Variants in AKAP9 observed in about 807,000 individuals in gnomAD.
AKAP9 encodes A-kinase anchoring protein 9, also known as A-kinase anchor protein 9.
A neutral mutation model predicts 488.5 loss-of-function variants in AKAP9; 311 were observed. The ratio of observed to expected loss-of-function variants is 0.64; its 90% CI spans 0.58 to 0.70. The LOEUF is 0.70. Among genes scored for constraint, AKAP9 ranks in the 30% least tolerant of loss-of-function variants. AKAP9 has a pLI of 0.00. For missense variants in AKAP9, 4,215 were observed against 4,374.5 expected, an observed-to-expected ratio of 0.96 and a Z score of 1.03; for synonymous variants, 1,462 against 1,483.5, an observed-to-expected ratio of 0.99 and a Z score of 0.33.
At chr7:92,056,901 G>GT (rs542255615) in intron 22 of AKAP9, among the ~76,000 whole-genome samples, 1 of 151,824 alleles carries the variant, frequency 6.6e-6, no homozygotes, top group Non-Finnish European at 1.5e-5. Context: ...CAAAATGAGG[G>GT]TTTTTTCCTT....
At chr7:92,102,490 C>CTA (rs1447690645) in intron 45 of AKAP9, 104 bp from the exon 46 acceptor site, 178 of 766,370 alleles carry the variant, frequency 2.3e-4, no homozygotes, top group African/African-American at 1.7e-3. Flanking sequence ...ACTACTACTA[C>CTA]CACCACCACC....
intron 1 of AKAP9, among the ~76,000 whole-genome samples, chr7:91,969,171 T>C (rs1794763561): frequency 6.6e-6 from 1 of 152,172 alleles, no homozygotes; most frequent in Non-Finnish European, 1.5e-5. Flanking sequence ...ATTACAGACA[T>C]GAGCCACCAT....
intron 46 of AKAP9, among the ~76,000 whole-genome samples, chr7:92,104,099 C>T (rs1035471748): frequency 6.6e-6 from 1 of 152,142 alleles, no homozygotes; most frequent in Non-Finnish European, 1.5e-5. Context: ...ATCCCCCTCC[C>T]TTTTAGGAGG....
rs1198414972 is a variant in AKAP9 at position 92,001,905 on chromosome 7, A to G, written c.1988A>G (p.Tyr663Cys). Residue 663 changes from tyrosine (Y) to cysteine (C), a missense_variant, in exon 8 of 50, where the codon TAT (tyrosine) becomes TGT (cysteine). Physicochemically the swap from Tyr to Cys is radical, Grantham distance 194 (BLOSUM62 -2). Around this residue, in one of 5 missense-constraint regions of AKAP9, gnomAD observed 2,361 missense variants for 2,430.0 expected, o/e 0.97. Coordinates refer to ENST00000356239, the MANE Select transcript of AKAP9 (RefSeq NM_005751.5). Reference protein sequence around the residue: ...EKLKDNLGIHYKQQIDGLQNE... With the variant: ...EKLKDNLGIHCKQQIDGLQNE... ...CTTAAAGATAATTTAGGCATTCACT[A>G]TAAACAGCAGATAGATGGTTTACAG... 2 of 1,612,518 alleles carry G rather than the reference A, an allele frequency of 1.2e-6. No homozygotes were observed. The highest frequency in any genetic ancestry group is 4.5e-5 in the East Asian group (2 of 44,808).
chr7:92,066,475 A>G lies in AKAP9; in HGVS notation c.6259A>G (p.Ile2087Val), dbSNP rs925619682. ...EHERDVFQQE[I>V]QKLEQQLKVV... The stretch of plus-strand genomic sequence containing the variant: ...TGAGAGAGATGTATTCCAACAGGAA[A>G]TACAGAAACTAGAACAGCAACTTAA... Residue 2087 changes from isoleucine to valine, a missense_variant, in exon 26 of 50, where the codon ATA (isoleucine) becomes GTA (valine). Physicochemically the swap from Ile to Val is conservative, Grantham distance 29. Coordinates refer to ENST00000356239, the MANE Select transcript of AKAP9 (RefSeq NM_005751.5). 5 of 1,613,406 alleles carry G rather than the reference A, an allele frequency of 3.1e-6. No individual in the cohort carries two copies. The highest frequency in any genetic ancestry group is 4.2e-6 in the Non-Finnish European group (5 of 1,179,612).
chr7:92,061,267 A>G lies in AKAP9; in HGVS notation c.5609A>G (p.His1870Arg), dbSNP rs1271304428. Residue 1870 changes from histidine to arginine, a missense_variant, in exon 23 of 50, where the codon CAT becomes CGT. Transcript: ENST00000356239. ...GTTTCCCTCTTTGTTTAGCTTGAAC[A>G]TGCGAAAGTGACACAGACAGAGTTG... ...AISETSSQLE[H>R]AKVTQTELMR... 7 of 1,612,128 alleles carry G rather than the reference A, an allele frequency of 4.3e-6. No individual in the cohort carries two copies. Among genetic ancestry groups the G allele is most frequent in the South Asian group, 1.1e-5 (1 of 91,040 alleles).
rs138993790 is a variant in AKAP9, at chr7:91,987,608, T to C, written c.352-4550T>C. Reference sequence around the variant, plus strand: ...GTAAAGTTGATATTTGGTGAAATGTTTGATATGTGTCATCAAAATTGCTAA... The same window carrying C: ...GTAAAGTTGATATTTGGTGAAATGTCTGATATGTGTCATCAAAATTGCTAA... On this transcript the variant is annotated intron_variant, in intron 3 of 49. Coordinates refer to ENST00000356239, the MANE Select transcript of AKAP9 (RefSeq NM_005751.5). Among the ~76,000 whole-genome samples, 248 of 152,316 alleles carry C rather than the reference T, an allele frequency of 1.6e-3. 2 individuals are homozygous for C. In the South Asian group the frequency reaches 0.03, roughly 19 times the overall value.
At chr7:92,012,318 A>G (rs1800858180) in intron 8 of AKAP9, 111 bp from the exon 9 acceptor site, 1 of 967,384 alleles carries the variant, frequency 1.0e-6, no homozygotes, top group Non-Finnish European at 1.5e-6. Flanking sequence ...ATTAGACTTC[A>G]GTTCTCATGA....
Position 91,941,112 on chromosome 7 carries a change from G to A in AKAP9, c.13G>A (p.Glu5Lys). 4 of 1,614,112 alleles carry A rather than the reference G, an allele frequency of 2.5e-6. No homozygotes were observed. Among genetic ancestry groups the A allele is most frequent in the Non-Finnish European group, 3.4e-6 (4 of 1,179,944 alleles). The change falls in exon 1 of 50, where the codon GAG (glutamate) becomes AAG (lysine). Residue 5 changes from glutamate (E) to lysine (K), a missense_variant. By Grantham distance (56) the Glu-to-Lys change is moderately conservative. Around this residue, in one of 5 missense-constraint regions of AKAP9, gnomAD observed 2,361 missense variants for 2,430.0 expected, o/e 0.97. Transcript: ENST00000356239. ...CCTTGCAGAGGCCATGGAGGACGAG[G>A]AGAGACAGAAGAAGCTGGAGGCCGG... MEDE[E>K]RQKKLEAGKA...
intron 27 of AKAP9, 75 bp downstream of exon 27, chr7:92,070,281 G>A: frequency 1.4e-6 from 2 of 1,433,468 alleles, no homozygotes; most frequent in Non-Finnish European, 2.0e-6. Flanking sequence ...CTTCTTGTAG[G>A]TATTATTACA....
At chr7:91,978,573 C>G (rs1184177656) in intron 2 of AKAP9, among the ~76,000 whole-genome samples, 1 of 152,144 alleles carries the variant, frequency 6.6e-6, no homozygotes, top group Non-Finnish European at 1.5e-5. Context: ...CTACTCACTT[C>G]ATACCCAAAT....
rs187828770 is a variant in AKAP9, at chr7:92,107,504, A to G, written c.11546+82A>G. The G allele has an allele frequency of 1.0e-3, 1,403 of 1,356,034 alleles. 25 individuals carry two copies. In the Admixed American group the frequency reaches 0.023, roughly 22 times the overall value. 84.0% of individuals were successfully genotyped at this position (1,356,034 alleles called of 1,614,324 possible). On this transcript the variant is annotated intron_variant, in intron 48 of 49. Transcript: ENST00000356239. ...ATAAATGGACATTTTTAGGGCTTTGACTTCTTTGCATTGAGATAGACATCT... is the reference window on the plus strand; with the variant it reads ...ATAAATGGACATTTTTAGGGCTTTGGCTTCTTTGCATTGAGATAGACATCT...
At chr7:92,072,494 A>C (rs1346446698) in intron 28 of AKAP9, among the ~76,000 whole-genome samples, 1 of 152,248 alleles carries the variant, frequency 6.6e-6, no homozygotes, top group Non-Finnish European at 1.5e-5. Flanking sequence ...AAACTAGGCA[A>C]ATGCTTTCAG....
chr7:91,985,155 A>G (rs1796907973), intron 3 of AKAP9, among the ~76,000 whole-genome samples: 1 of 152,148 alleles, frequency 6.6e-6, no homozygotes, highest in African/African-American at 2.4e-5. Context: ...ACTATGTTGA[A>G]TAGGAGTGGT....
Position 92,096,955 on chromosome 7 carries a change from TGGACAGTCTC to T in AKAP9, c.9999_10008del (p.Gln3334HisfsTer9). On this transcript the variant is annotated frameshift_variant, in exon 41 of 50. Coordinates refer to ENST00000356239, the MANE Select transcript of AKAP9 (RefSeq NM_005751.5). LOFTEE classifies it high-confidence loss of function. ...CACAGCTGCAGAGCAGTGATGGTAC[TGGACAGTCTC>T]GGCCACCCTTGCCCTCAGAGGACCT... 1 of 1,614,190 alleles carries T rather than the reference TGGACAGTCTC, an allele frequency of 6.2e-7. No individual in the cohort carries two copies. The highest frequency in any genetic ancestry group is 8.5e-7 in the Non-Finnish European group (1 of 1,180,008).
chr7:92,028,765 C>G (rs938345127), intron 14 of AKAP9, among the ~76,000 whole-genome samples: 9 of 152,084 alleles, frequency 5.9e-5, no homozygotes, highest in African/African-American at 2.2e-4. Context: ...GAATATGACC[C>G]TGTATTAAAA....
At position 92,001,561 on chromosome 7, in the gene AKAP9, A is replaced by G. The variant is rs886062468; in HGVS notation, c.1644A>G (p.Arg548=). The G allele has an allele frequency of 2.5e-6, 4 of 1,613,874 alleles. No homozygotes were observed. Among genetic ancestry groups the G allele is most frequent in the Non-Finnish European group, 3.4e-6 (4 of 1,179,838 alleles). The change falls in exon 8 of 50, where the codon AGA becomes AGG. Residue 548 remains arginine, a synonymous_variant. Transcript: ENST00000356239. ...CAAGGGAACAGATTCAGAGAGCTAGACAGACAATAGCTGAACAAGAAAGTA... is the reference window on the plus strand; with the variant it reads ...CAAGGGAACAGATTCAGAGAGCTAGGCAGACAATAGCTGAACAAGAAAGTA... ...SFSREQIQRA[R]QTIAEQESKL...
At chr7:92,041,740 G>A in intron 18 of AKAP9, 1 of 277,122 alleles carries the variant, frequency 3.6e-6, no homozygotes, top group Non-Finnish European at 7.0e-6. Context: ...ACATTATTTG[G>A]AAAAATTAAC....
At chr7:92,071,048 A>G (rs915258743) in intron 28 of AKAP9, 39 bp downstream of exon 28, 1 of 1,489,722 alleles carries the variant, frequency 6.7e-7, no homozygotes, top group Admixed American at 1.7e-5. Flanking sequence ...CGTGGTTTGA[A>G]TTATTTTAAA....
Sources: gnomAD v4.1 joint callset for allele counts (sites outside exome capture counted in the v4.1 genomes callset) on GRCh38, gnomAD v4.1.1 for gene constraint, gnomAD v4.1.1 regional missense constraint, MANE v1.5 for transcripts, NCBI Gene and HGNC (gene_info 2026-07-23, HGNC 2026-07-21) for gene names.